CFAP251: variants seen among roughly 807,000 people sequenced by gnomAD.
CFAP251 encodes the protein cilia and flagella associated protein 251.
In CFAP251, 93 loss-of-function variants were observed where a neutral mutation model predicts 126.7. The ratio of observed to expected loss-of-function variants is 0.73; its 90% confidence interval spans 0.62 to 0.87. The LOEUF is 0.87. Among genes scored for constraint, CFAP251 ranks in the 40% least tolerant of loss-of-function variants. The pLI is 0.00. For synonymous variants in CFAP251, 503 were observed against 506.9 expected, an observed-to-expected ratio of 0.99 and a Z score of 0.10; for missense variants, 1,287 against 1,389.2, an observed-to-expected ratio of 0.93 and a Z score of 1.17.
chr12:122,000,577 A>G (rs1883127227), intron 20 of CFAP251, among the ~76,000 whole-genome samples: 1 of 152,006 alleles, frequency 6.6e-6, no homozygotes. Context: ...AAAAAAAGAA[A>G]AGAAAAGAAA....
At chr12:121,922,914 C>T (rs866345758) in intron 2 of CFAP251, among the ~76,000 whole-genome samples, 7 of 151,930 alleles carry the variant, frequency 4.6e-5, no homozygotes, top group Admixed American at 1.3e-4. Context: ...CTCAGCCTCC[C>T]GAGTAGCTGG....
Position 121,918,799 on chromosome 12 carries a change from G to A in CFAP251, c.-21+104G>A, listed in dbSNP as rs1880026575. On this transcript the variant is annotated intron_variant, in intron 1 of 21. Transcript: ENST00000288912. The surrounding 1 kb of genome is among the most constrained non-coding windows in gnomAD (Gnocchi z 4.3). Reference sequence around the variant, plus strand: ...CCCTTGGGGGGCGCTCACCCGACCTGGCCCTTGTGGGGCCTGGGGCGGCCC... The same window carrying A: ...CCCTTGGGGGGCGCTCACCCGACCTAGCCCTTGTGGGGCCTGGGGCGGCCC... The A allele has an allele frequency of 6.6e-6, 1 of 152,290 alleles. No homozygotes were observed. The highest frequency in any genetic ancestry group is 1.5e-5 in the Non-Finnish European group (1 of 68,120). 9.4% of individuals were successfully genotyped at this position (152,290 alleles called of 1,614,324 possible).
At chr12:121,973,259 C>A (rs1456221391) in intron 17 of CFAP251, among the ~76,000 whole-genome samples, 1 of 152,228 alleles carries the variant, frequency 6.6e-6, no homozygotes. Flanking sequence ...TTGAGCCTGC[C>A]AGTCCACAGA....
At chr12:121,922,997 A>G (rs184954033) in intron 2 of CFAP251, among the ~76,000 whole-genome samples, 4,559 of 150,936 alleles carry the variant, frequency 0.03, 109 homozygotes, top group Non-Finnish European at 0.043. Flanking sequence ...GGGTTTCACC[A>G]TGTTAGCCAG....
chr12:121,922,934 C>T (rs1193291916), intron 2 of CFAP251, among the ~76,000 whole-genome samples: 2 of 152,018 alleles, frequency 1.3e-5, no homozygotes, highest in East Asian at 3.9e-4. Context: ...GGACTACAGG[C>T]GCCCGCCACC....
chr12:121,947,454 TTTTTCTTTTC>T (rs774538383), intron 7 of CFAP251, among the ~76,000 whole-genome samples: 1 of 152,018 alleles, frequency 6.6e-6, no homozygotes, highest in Non-Finnish European at 1.5e-5. Context: ...GGATGGGTCT[TTTTTCTTTTC>T]TTTTCTTTTC....
At position 121,942,579 on chromosome 12, in the gene CFAP251, C is replaced by T; in HGVS notation, c.1044C>T (p.Gly348=). ...TTGACAGCTGCCCTGAAGGGAATGG[C>T]ATCATGGCCATGGCCATGACCCACG... ...TIFDSCPEGN[G]IMAMAMTHDA... Residue 348 remains glycine, a synonymous_variant, in exon 6 of 22, where the codon GGC becomes GGT. Transcript: ENST00000288912. The T allele has an allele frequency of 6.2e-7, 1 of 1,613,962 alleles. No homozygotes were observed.
At chr12:121,975,726 T>C in intron 19 of CFAP251, 41 bp downstream of exon 19, 1 of 1,527,934 alleles carries the variant, frequency 6.5e-7, no homozygotes, top group East Asian at 2.3e-5. Context: ...GGATGTGCTA[T>C]TTATAAAAAA....
At chr12:121,951,799 A>G (rs1463932623) in intron 9 of CFAP251, among the ~76,000 whole-genome samples, 1 of 152,030 alleles carries the variant, frequency 6.6e-6, no homozygotes. Flanking sequence ...GCTCACTGCA[A>G]GCTCTGCCTC....
At position 121,957,147 on chromosome 12, in the gene CFAP251, A is replaced by G; in HGVS notation, c.1609A>G (p.Ser537Gly). 1 of 1,614,174 alleles carries G rather than the reference A, an allele frequency of 6.2e-7. No homozygotes were observed. Among genetic ancestry groups the G allele is most frequent in the Non-Finnish European group, 8.5e-7 (1 of 1,180,006 alleles). Residue 537 changes from serine to glycine, a missense_variant, in exon 11 of 22, where the codon AGT becomes GGT. Coordinates refer to ENST00000288912, the MANE Select transcript of CFAP251 (RefSeq NM_144668.6). Reference protein sequence around the residue: ...DHTLSIVNWYSHLKLGAIRTL... With the variant: ...DHTLSIVNWYGHLKLGAIRTL... ...CACCCTGTCTATTGTTAACTGGTAC[A>G]GTCACTTGAAACTGGGCGCCATAAG...
At chr12:121,999,384 T>G (rs199861490) in intron 19 of CFAP251, 1 of 161,990 alleles carries the variant, frequency 6.2e-6, no homozygotes, top group Non-Finnish European at 1.3e-5. Context: ...TCTTTTTTTT[T>G]CCCCCCGCCG....
rs975973603 is a variant in CFAP251, at chr12:121,957,060, A to T, written c.1536-14A>T. 6.4e-7 allele frequency: 1 copy of T among 1,564,280 alleles called. No homozygotes were observed. ...TATTGCTATTTGCAAAACTGATGTT[A>T]TTCTCCATTTCAGCTACATTGTCAC... On this transcript the variant is annotated splice_polypyrimidine_tract_variant and intron_variant, in intron 10 of 21. Transcript: ENST00000288912.
intron 19 of CFAP251, 167 bp from the exon 20 acceptor site, chr12:121,999,549 T>A: frequency 3.7e-6 from 2 of 535,240 alleles, no homozygotes; most frequent in Non-Finnish European, 6.7e-6. Flanking sequence ...TTGGCCAGGC[T>A]GGTCTCAAAC....
chr12:121,995,686 A>T (rs1370996513), intron 19 of CFAP251, among the ~76,000 whole-genome samples: 1 of 151,966 alleles, frequency 6.6e-6, no homozygotes, highest in Admixed American at 6.6e-5. Flanking sequence ...AGGTCTCATT[A>T]TGTTGCCCAG....
chr12:121,949,831 A>G (rs693277), intron 8 of CFAP251: 134,450 of 152,298 alleles, frequency 0.88, 59,542 homozygotes, highest in African/African-American at 0.96. Flanking sequence ...TGAGACTGCA[A>G]TGAGCTGTGA....
At position 121,962,177 on chromosome 12, in the gene CFAP251, C is replaced by G. The variant is rs1881963008; in HGVS notation, c.2492+15C>G. 4 of 1,609,428 alleles carry G rather than the reference C, an allele frequency of 2.5e-6. No individual in the cohort carries two copies. Among genetic ancestry groups the G allele is most frequent in the Non-Finnish European group, 3.4e-6 (4 of 1,178,078 alleles). ...AAAATGTGCAGGTAAGCACCCGGAG[C>G]TTCCCATTGCAGGGGGCGTGGATCA... On this transcript the variant is annotated intron_variant, in intron 15 of 21. Transcript: ENST00000288912.
At chr12:121,952,096 G>A (rs1006329169) in intron 9 of CFAP251, among the ~76,000 whole-genome samples, 2 of 151,772 alleles carry the variant, frequency 1.3e-5, no homozygotes, top group South Asian at 2.1e-4. Flanking sequence ...ATGTGTATGT[G>A]CATATTGACA....
chr12:121,973,021 C>T (rs111664949), intron 17 of CFAP251, among the ~76,000 whole-genome samples: 2,599 of 152,306 alleles, frequency 0.017, 82 homozygotes, highest in African/African-American at 0.059. Flanking sequence ...GAAAATGTCT[C>T]CAGGGCATGT....
chr12:121,937,500 G>A (rs930810624), intron 5 of CFAP251, among the ~76,000 whole-genome samples: 1 of 152,226 alleles, frequency 6.6e-6, no homozygotes, highest in African/African-American at 2.4e-5. Flanking sequence ...TGCACAGGAT[G>A]TTGTGAGGAT....
Sources: gnomAD v4.1 joint callset for allele counts (sites outside exome capture counted in the v4.1 genomes callset) on GRCh38, gnomAD v4.1.1 for gene constraint, Gnocchi (gnomAD v3.1) non-coding constraint, MANE v1.5 for transcripts, NCBI Gene and HGNC (gene_info 2026-07-23, HGNC 2026-07-21) for gene names.